Variants in PMEPA1 observed in about 807,000 individuals in gnomAD.
PMEPA1 encodes prostate transmembrane protein, androgen induced 1, also known as protein TMEPAI.
In PMEPA1, 11 loss-of-function variants were observed where a neutral mutation model predicts 23.0. The ratio of observed to expected loss-of-function variants is 0.48; its 90% CI spans 0.30 to 0.79. PMEPA1 has a LOEUF of 0.79. Among genes scored for constraint, PMEPA1 ranks in the 30% least tolerant of loss-of-function variants. The pLI is 0.06. For synonymous variants in PMEPA1, 204 were observed against 166.4 expected (o/e 1.23, Z -1.74); for missense variants, 377 against 390.9 (o/e 0.96, Z 0.30).
intron 1 of PMEPA1, among the ~76,000 whole-genome samples, chr20:57,696,871 A>C (rs1235520392): frequency 2.6e-5 from 4 of 152,238 alleles, no homozygotes; most frequent in Non-Finnish European, 5.9e-5. Context: ...CTCTGTGCAC[A>C]TTTCCGTTTA....
chr20:57,710,628 G>A, upstream of PMEPA1: 1 of 645,320 alleles, frequency 1.5e-6, no homozygotes, highest in Non-Finnish European at 2.6e-6. Flanking sequence ...AATAGCTGTC[G>A]GGGACTGGTG....
chr20:57,673,437 G>A (rs1429631539), intron 1 of PMEPA1, among the ~76,000 whole-genome samples: 1 of 152,136 alleles, frequency 6.6e-6, no homozygotes, highest in Non-Finnish European at 1.5e-5. Flanking sequence ...TCTATGTCTT[G>A]CTGCCATCGT....
chr20:57,694,913 C>G (rs1014501078), intron 1 of PMEPA1, among the ~76,000 whole-genome samples: 1 of 152,250 alleles, frequency 6.6e-6, no homozygotes, highest in Non-Finnish European at 1.5e-5. Flanking sequence ...ATGACTGTGA[C>G]CTGGTATCCC....
At chr20:57,689,622 A>G (rs1317019080) in intron 1 of PMEPA1, among the ~76,000 whole-genome samples, 1 of 152,216 alleles carries the variant, frequency 6.6e-6, no homozygotes, top group African/African-American at 2.4e-5. Flanking sequence ...GAGTCCTCAC[A>G]ACTGTGCCCA....
At chr20:57,689,950 G>A (rs2071854139) in intron 1 of PMEPA1, among the ~76,000 whole-genome samples, 1 of 152,224 alleles carries the variant, frequency 6.6e-6, no homozygotes, top group African/African-American at 2.4e-5. Context: ...GCATCGCCCG[G>A]CAGCAGCCGA....
chr20:57,670,417 C>G (rs1231488169), intron 1 of PMEPA1, among the ~76,000 whole-genome samples: 1 of 152,168 alleles, frequency 6.6e-6, no homozygotes, highest in Admixed American at 6.5e-5. Flanking sequence ...TGCCCGCTGT[C>G]TAGAGACCAC....
intron 1 of PMEPA1, among the ~76,000 whole-genome samples, chr20:57,671,730 G>A (rs1328455498): frequency 6.6e-6 from 1 of 152,220 alleles, no homozygotes; most frequent in Non-Finnish European, 1.5e-5. Context: ...GGGAAACTGA[G>A]CTTGGAGCTG....
At chr20:57,689,610 G>A (rs1773561937) in intron 1 of PMEPA1, among the ~76,000 whole-genome samples, 1 of 152,212 alleles carries the variant, frequency 6.6e-6, no homozygotes, top group Admixed American at 6.5e-5. Context: ...CTAGTTCAAG[G>A]AGAGTCCTCA....
In PMEPA1 at chr20:57,652,176, C is replaced by T. The variant is rs371396831; in HGVS notation, c.741G>A (p.Gln247=). The T allele has an allele frequency of 6.2e-7, 1 of 1,608,920 alleles. No individual in the cohort carries two copies. The highest frequency in any genetic ancestry group is 2.2e-5 in the East Asian group (1 of 44,682). The part of the protein sequence containing the change: ...GHYPGSSFQH[Q]QSSGPPSLLE... ...GCAAGGAGGGCGGCCCACTGCTCTG[C>T]TGGTGCTGGAAGGAGGACCCCGGGT... is the stretch of plus-strand genomic sequence containing the variant. The change falls in exon 4 of 4, where the codon CAG becomes CAA. Residue 247 remains glutamine, a synonymous_variant. Transcript: ENST00000341744. The surrounding 1 kb of genome is among the most constrained non-coding windows in gnomAD (Gnocchi z 6.1).
intron 1 of PMEPA1, among the ~76,000 whole-genome samples, chr20:57,670,208 G>T (rs1024626533): frequency 5.3e-5 from 8 of 152,026 alleles, no homozygotes; most frequent in African/African-American, 1.9e-4. Flanking sequence ...GGTGGGGTGG[G>T]GGGGGTAGTA....
intron 1 of PMEPA1, chr20:57,690,767 C>G (rs1371639271): frequency 3.2e-6 from 1 of 317,192 alleles, no homozygotes; most frequent in Non-Finnish European, 6.0e-6. Flanking sequence ...GGGGTGGAGC[C>G]TGGCCGTCTA....
chr20:57,667,947 C>T (rs984459995), intron 1 of PMEPA1, among the ~76,000 whole-genome samples: 4 of 152,210 alleles, frequency 2.6e-5, no homozygotes, highest in East Asian at 1.9e-4. Context: ...CAAACACCCC[C>T]GACGGCATGT....
intron 2 of PMEPA1, among the ~76,000 whole-genome samples, chr20:57,653,594 G>T (rs368531196): frequency 1.3e-5 from 2 of 152,232 alleles, no homozygotes; most frequent in African/African-American, 4.8e-5. Context: ...GAATTTGAAT[G>T]TAAAAACCAC....
At chr20:57,692,335 G>C (rs2071893181) in intron 1 of PMEPA1, among the ~76,000 whole-genome samples, 1 of 152,252 alleles carries the variant, frequency 6.6e-6, no homozygotes, top group South Asian at 2.1e-4. Context: ...TTGGGCAGCT[G>C]CAAGCACCAA....
In PMEPA1 at chr20:57,683,924, TG is replaced by T. The variant is rs1350452539; in HGVS notation, c.110-24228del. Among the ~76,000 whole-genome samples the T allele has an allele frequency of 6.6e-6, 1 of 152,134 alleles. No homozygotes were observed. The highest frequency in any genetic ancestry group is 1.5e-5 in the Non-Finnish European group (1 of 68,028). On this transcript the variant is annotated intron_variant, in intron 1 of 3. Transcript: ENST00000341744. The surrounding 1 kb of genome is among the most constrained non-coding windows in gnomAD (Gnocchi z 4.3). ...ACTCCTGCCTGTGGGCTGTCTGTTT[TG>T]GGGGTAGAAATAAAAAGATCTGGCC...
chr20:57,705,835 G>C (rs1268041460), intron 1 of PMEPA1, among the ~76,000 whole-genome samples: 1 of 152,100 alleles, frequency 6.6e-6, no homozygotes. Flanking sequence ...GTATCTAGTG[G>C]GTGTGGGAGA....
intron 2 of PMEPA1, among the ~76,000 whole-genome samples, chr20:57,657,422 C>G (rs1168782597): frequency 1.3e-5 from 2 of 152,242 alleles, no homozygotes; most frequent in African/African-American, 4.8e-5. Flanking sequence ...TTCCACCTCT[C>G]TCATCCCCAG....
In PMEPA1 at chr20:57,653,164, C is replaced by G. The variant is rs1216977115; in HGVS notation, c.265-78G>C. 5.8e-6 allele frequency: 7 copies of G among 1,203,438 alleles called. No individual in the cohort carries two copies. The Admixed American group carries it at 1.4e-4, about 24-fold the overall frequency. The allele number at this position is 1,203,438 out of a possible 1,614,324, so 74.5% of individuals were successfully genotyped here. A position where few individuals can be genotyped will look rare whatever the true frequency, so the allele number is the denominator to read the frequency against. ...GCAAAGGCTCAACCCAGATTCGACT[C>G]TTAGGCCTTTACCCTGGAATCAGCT... On this transcript the variant is annotated intron_variant, in intron 2 of 3. Transcript: ENST00000341744.
rs1030766379 is a variant in PMEPA1, at chr20:57,652,242, C to T, written c.675G>A (p.Met225Ile). ...SATCYGSGGR[M>I]EGPPPTYSEV... Reference sequence around the variant, plus strand: ...CGCTGTAGGTGGGCGGCGGCCCCTCCATGCGCCCGCCGCTGCCGTAGCACG... The same window carrying T: ...CGCTGTAGGTGGGCGGCGGCCCCTCTATGCGCCCGCCGCTGCCGTAGCACG... Residue 225 changes from methionine (M) to isoleucine (I), a missense_variant, in exon 4 of 4, where the codon ATG becomes ATA. Around this residue, in one of 3 missense-constraint regions of PMEPA1, gnomAD observed 176 missense variants for 173.0 expected, o/e 1.02. Coordinates refer to ENST00000341744, the MANE Select transcript of PMEPA1 (RefSeq NM_020182.5). The surrounding 1 kb of genome is among the most constrained non-coding windows in gnomAD (Gnocchi z 6.1). 1 of 1,607,228 alleles carries T rather than the reference C, an allele frequency of 6.2e-7. No individual in the cohort carries two copies. Among genetic ancestry groups the T allele is most frequent in the South Asian group, 1.1e-5 (1 of 90,954 alleles).
Sources: allele counts gnomAD v4.1 joint callset (sites outside exome capture counted in the v4.1 genomes callset), GRCh38; gene constraint gnomAD v4.1.1; regional missense constraint gnomAD v4.1.1; non-coding constraint Gnocchi (gnomAD v3.1); transcripts MANE v1.5; gene names NCBI Gene and HGNC (gene_info 2026-07-23, HGNC 2026-07-21).